Variants in LYPD6 observed in about 807,000 individuals in gnomAD.
The protein encoded by LYPD6 is LY6/PLAUR domain containing 6, also known as ly6/PLAUR domain-containing protein 6.
A neutral mutation model predicts 22.7 loss-of-function variants in LYPD6; 15 were observed. That is an observed-to-expected ratio of 0.66 (90% CI 0.44 to 1.02). The LOEUF (loss-of-function observed/expected upper bound fraction) is 1.02. LYPD6 is among the 50% of genes least tolerant of loss of function. The probability of loss-of-function intolerance (pLI) is 0.00; values close to 1 mark genes in which losing one functional copy is unlikely to be tolerated. For missense variants in LYPD6, 189 were observed against 208.4 expected (o/e 0.91, Z 0.57); for synonymous variants, 72 against 77.5 (o/e 0.93, Z 0.37).
chr2:149,338,229 A>G (rs572326393), intron 1 of LYPD6, among the ~76,000 whole-genome samples: 57 of 152,262 alleles, frequency 3.7e-4, no homozygotes, highest in African/African-American at 1.3e-3. Context: ...GAAATTGCCA[A>G]ACTGCTTTCC....
intron 1 of LYPD6, among the ~76,000 whole-genome samples, chr2:149,431,078 G>A (rs1159807197): frequency 6.6e-6 from 1 of 152,084 alleles, no homozygotes; most frequent in Non-Finnish European, 1.5e-5. Context: ...CAGCAGTTGA[G>A]TAACTCATGC....
chr2:149,405,114 T>A (rs1439965981), intron 1 of LYPD6, among the ~76,000 whole-genome samples: 3 of 151,884 alleles, frequency 2.0e-5, no homozygotes, highest in Non-Finnish European at 4.4e-5. Context: ...AGCTTTTTGA[T>A]GTGCTGTTGG....
At chr2:149,330,799 C>A (rs1211701208) in intron 1 of LYPD6, 77 bp downstream of exon 1, 1 of 152,244 alleles carries the variant, frequency 6.6e-6, no homozygotes, top group Non-Finnish European at 1.5e-5. Flanking sequence ...TAGGCGGGGC[C>A]TGGCCAAGGC....
chr2:149,485,847 A>G, the LYPD6 span, among the ~76,000 whole-genome samples: 2 of 152,196 alleles, frequency 1.3e-5, no homozygotes, highest in Non-Finnish European at 2.9e-5. Context: ...GAAGCACAAT[A>G]TGGAGCCAGG....
At chr2:149,412,172 T>C (rs1682866539) in intron 1 of LYPD6, among the ~76,000 whole-genome samples, 2 of 152,178 alleles carry the variant, frequency 1.3e-5, no homozygotes, top group Admixed American at 1.3e-4. Context: ...TACTGCCTAG[T>C]AACTTTCCAG....
At position 149,437,647 on chromosome 2, in the gene LYPD6, C is replaced by G. The variant is rs576165907; in HGVS notation, c.-62C>G. 1 of 1,597,778 alleles carries G rather than the reference C, an allele frequency of 6.3e-7. No individual in the cohort carries two copies. The highest frequency in any genetic ancestry group is 1.3e-5 in the African/African-American group (1 of 74,710). On this transcript the variant is annotated 5_prime_UTR_variant, in exon 2 of 5. Coordinates refer to ENST00000334166, the MANE Select transcript of LYPD6 (RefSeq NM_194317.5). ...TTTCTTCATTTTTCAGGTGCAAGTTCTCTCCTGTTGCCCTGAGTGCCCACT... is the reference window on the plus strand; with the variant it reads ...TTTCTTCATTTTTCAGGTGCAAGTTGTCTCCTGTTGCCCTGAGTGCCCACT...
chr2:149,448,171 T>C (rs1683728903), intron 2 of LYPD6, among the ~76,000 whole-genome samples: 1 of 152,176 alleles, frequency 6.6e-6, no homozygotes, highest in South Asian at 2.1e-4. Flanking sequence ...CACATGCCTG[T>C]AATCCCAGCT....
chr2:149,369,854 G>C (rs1681766355), intron 1 of LYPD6, among the ~76,000 whole-genome samples: 1 of 152,152 alleles, frequency 6.6e-6, no homozygotes, highest in African/African-American at 2.4e-5. Context: ...GACGGGTAAG[G>C]CATAAGTATG....
chr2:149,347,229 T>C (rs1032252859), intron 1 of LYPD6, among the ~76,000 whole-genome samples: 8 of 152,158 alleles, frequency 5.3e-5, no homozygotes, highest in African/African-American at 1.9e-4. Context: ...AGTTCTTCTA[T>C]GTCTCATTAA....
intron 1 of LYPD6, among the ~76,000 whole-genome samples, chr2:149,338,278 A>G (rs1681097224): frequency 6.6e-6 from 1 of 152,240 alleles, no homozygotes; most frequent in African/African-American, 2.4e-5. Flanking sequence ...CCAGCAGTGT[A>G]TAAGAGTTCC....
intron 1 of LYPD6, among the ~76,000 whole-genome samples, chr2:149,350,006 G>A (rs1040634641): frequency 6.6e-6 from 1 of 152,138 alleles, no homozygotes; most frequent in Non-Finnish European, 1.5e-5. Flanking sequence ...TTACTTGCCT[G>A]GTGATAAATC....
At chr2:149,363,483 A>G (rs979906869) in intron 1 of LYPD6, among the ~76,000 whole-genome samples, 7 of 152,316 alleles carry the variant, frequency 4.6e-5, no homozygotes, top group Non-Finnish European at 2.9e-5. Context: ...ACAGCGCTGT[A>G]TCCTGCTTAG....
intron 2 of LYPD6, 151 bp from the exon 3 acceptor site, chr2:149,448,898 T>C: frequency 1.7e-6 from 1 of 577,484 alleles, no homozygotes; most frequent in Non-Finnish European, 3.1e-6. Flanking sequence ...TGCCCAAGAG[T>C]AAAGTTGCTG....
intron 2 of LYPD6, among the ~76,000 whole-genome samples, chr2:149,444,684 A>G (rs914080970): frequency 1.3e-5 from 2 of 151,956 alleles, no homozygotes; most frequent in Non-Finnish European, 1.5e-5. Flanking sequence ...TAAGAAGCCA[A>G]CTCCTCATTC....
intron 1 of LYPD6, among the ~76,000 whole-genome samples, chr2:149,345,517 A>T (rs1256924012): frequency 6.8e-6 from 1 of 146,738 alleles, no homozygotes. Flanking sequence ...GGGTTTCACC[A>T]TGTTAGCCAG....
chr2:149,479,183 T>C, the LYPD6 span, among the ~76,000 whole-genome samples: 1 of 152,170 alleles, frequency 6.6e-6, no homozygotes, highest in Non-Finnish European at 1.5e-5. Context: ...TCCCTCCTAC[T>C]TGAAATACTT....
rs372235205 is a variant in LYPD6, at chr2:149,429,884, T to C, written c.-71-7754T>C. On this transcript the variant is annotated intron_variant, in intron 1 of 4. Transcript: ENST00000334166. ...TTATAGCATGGCAGTCTCAAGGCACTTAGGCTGCTAACATGGTGTCTCAGA... is the reference window on the plus strand; with the variant it reads ...TTATAGCATGGCAGTCTCAAGGCACCTAGGCTGCTAACATGGTGTCTCAGA... Among the ~76,000 whole-genome samples, 121 of 152,292 alleles carry C rather than the reference T, an allele frequency of 7.9e-4. 1 individual carries two copies. The highest frequency in any genetic ancestry group is 2.7e-3 in the African/African-American group (113 of 41,558).
chr2:149,444,154 G>A (rs1344462022), intron 2 of LYPD6, among the ~76,000 whole-genome samples: 1 of 151,994 alleles, frequency 6.6e-6, no homozygotes, highest in Non-Finnish European at 1.5e-5. Flanking sequence ...GGCTGGTCTC[G>A]AACTTGTGAG....
intron 2 of LYPD6, among the ~76,000 whole-genome samples, chr2:149,440,912 AG>A (rs1320773746): frequency 6.6e-6 from 1 of 150,858 alleles, no homozygotes. Context: ...TCACCGTGTT[AG>A]CCAGGATGGT....
Sources: allele counts gnomAD v4.1 joint callset (sites outside exome capture counted in the v4.1 genomes callset), GRCh38; gene constraint gnomAD v4.1.1; transcripts MANE v1.5; gene names NCBI Gene and HGNC (gene_info 2026-07-23, HGNC 2026-07-21).